The following RNF145 variants were observed in gnomAD, a reference collection of about 807,000 sequenced individuals.
The protein encoded by RNF145 is ring finger protein 145.
A neutral mutation model predicts 57.3 loss-of-function variants in RNF145; 12 were observed. The ratio of observed to expected loss-of-function variants is 0.21; its 90% CI spans 0.13 to 0.34. RNF145 has a LOEUF of 0.34. RNF145 is among the 10% of genes least tolerant of loss of function. RNF145 has a pLI of 1.00. For synonymous variants in RNF145, 262 were observed against 288.3 expected, an observed-to-expected ratio of 0.91 and a Z score of 0.92; for missense variants, 429 against 799.0, an observed-to-expected ratio of 0.54 and a Z score of 5.58.
chr5:159,158,765 T>C lies in RNF145; in HGVS notation c.1897A>G (p.Ile633Val), dbSNP rs759770860. The C allele has an allele frequency of 6.2e-6, 10 of 1,613,988 alleles. No homozygotes were observed. Among genetic ancestry groups the C allele is most frequent in the Non-Finnish European group, 7.6e-6 (9 of 1,179,856 alleles). Residue 633 changes from isoleucine (I) to valine (V), a missense_variant, in exon 11 of 11, where the codon ATT (isoleucine) becomes GTT (valine). By Grantham distance (29) the Ile-to-Val change is conservative (BLOSUM62 3). Coordinates refer to ENST00000424310, the MANE Select transcript of RNF145 (RefSeq NM_001199383.2). ...QEGSRDNNEY[I>V]ARRPDNQEGA... ...TCCTGGTTATCTGGTCGTCTGGCAA[T>C]GTACTCATTATTGTCCCTGGAACCT...
chr5:159,169,920 T>C, intron 6 of RNF145, 101 bp from the exon 7 acceptor site: 1 of 960,360 alleles, frequency 1.0e-6, no homozygotes. Context: ...TGATACTCAT[T>C]AATTAAAACA....
chr5:159,174,646 T>A (rs941913837), intron 5 of RNF145, among the ~76,000 whole-genome samples: 3 of 151,978 alleles, frequency 2.0e-5, no homozygotes, highest in African/African-American at 7.3e-5. Context: ...TGGAAAAAAA[T>A]TTTGCAGAGC....
At chr5:159,209,161 G>T in intron 1 of RNF145, 70 bp downstream of exon 1, 1 of 588,782 alleles carries the variant, frequency 1.7e-6, no homozygotes, top group Non-Finnish European at 2.1e-6. Flanking sequence ...GATGGGGGAG[G>T]GGAGGGAGGC....
rs114445960 is a variant in RNF145 at position 159,203,492 on chromosome 5, G to T, written c.126C>A (p.Ser42Arg). The part of the protein sequence containing the change: ...SSFFQQIQRS[S>R]LSNNPLFQYK... ...ACTGGAAAAGAGGGTTATTACTAAG[G>T]CTACTTCTTTGGATCTGCTGGAAAA... Residue 42 changes from serine to arginine, a missense_variant, in exon 2 of 11, where the codon AGC becomes AGA. Ser to Arg is a moderately radical substitution (Grantham distance 110, BLOSUM62 -1). Coordinates refer to ENST00000424310, the MANE Select transcript of RNF145 (RefSeq NM_001199383.2). 4.2e-5 allele frequency: 68 copies of T among 1,613,926 alleles called. No homozygotes were observed. Among genetic ancestry groups the T allele is most frequent in the Non-Finnish European group, 5.3e-5 (63 of 1,179,976 alleles).
At chr5:159,202,637 G>T (rs1251334812) in intron 2 of RNF145, among the ~76,000 whole-genome samples, 3 of 152,128 alleles carry the variant, frequency 2.0e-5, no homozygotes. Context: ...TATATTTTGT[G>T]ACAGGCAACT....
At chr5:159,171,235 T>A (rs1784544785) in intron 6 of RNF145, among the ~76,000 whole-genome samples, 1 of 152,202 alleles carries the variant, frequency 6.6e-6, no homozygotes. Flanking sequence ...ACTGAAATCA[T>A]TAGTAACAAT....
chr5:159,209,283 C>T lies in RNF145; in HGVS notation c.-92G>A, dbSNP rs1400685943. 4.1e-6 allele frequency: 4 copies of T among 985,220 alleles called. No homozygotes were observed. Among genetic ancestry groups the T allele is most frequent in the Non-Finnish European group, 2.4e-6 (2 of 829,914 alleles). 61.0% of individuals were successfully genotyped at this position (985,220 alleles called of 1,614,324 possible). A position where few individuals can be genotyped will look rare whatever the true frequency, so the allele number is the denominator to read the frequency against. ...AGCGGCGCTGCCGGCGGGCGGGCTCCGCAACTCCCCGGCTCTCTCGCCCGC... is the reference window on the plus strand; with the variant it reads ...AGCGGCGCTGCCGGCGGGCGGGCTCTGCAACTCCCCGGCTCTCTCGCCCGC... On this transcript the variant is annotated 5_prime_UTR_variant, in exon 1 of 11. Transcript: ENST00000424310.
chr5:159,198,074 TA>T (rs953903900), intron 2 of RNF145, among the ~76,000 whole-genome samples: 2 of 151,410 alleles, frequency 1.3e-5, no homozygotes, highest in Non-Finnish European at 2.9e-5. Flanking sequence ...TTCCTGTCTC[TA>T]CAAAAAAATA....
chr5:159,183,401 G>C (rs6879008), intron 3 of RNF145, among the ~76,000 whole-genome samples: 115,839 of 152,006 alleles, frequency 0.76, 45,061 homozygotes, highest in African/African-American at 0.93. Context: ...CTAAATATTC[G>C]TCAATGCAAA....
Position 159,174,303 on chromosome 5 carries a change from A to AT in RNF145, c.622-146dup, listed in dbSNP as rs1433668395. ...AGCTAAATTCCTTTAAAGTTAGCCT[A>AT]TATAGTTAATAAATAGCATGTTTTT... On this transcript the variant is annotated intron_variant, in intron 5 of 10. Transcript: ENST00000424310. 40 of 609,054 alleles carry AT rather than the reference A, an allele frequency of 6.6e-5. No individual in the cohort carries two copies. In the Middle Eastern group the frequency reaches 5.8e-3, roughly 88 times the overall value. 37.7% of individuals were successfully genotyped at this position (609,054 alleles called of 1,614,324 possible). A position where few individuals can be genotyped will look rare whatever the true frequency, so the allele number is the denominator to read the frequency against.
intron 6 of RNF145, among the ~76,000 whole-genome samples, chr5:159,171,508 T>A (rs1364933561): frequency 6.6e-6 from 1 of 152,204 alleles, no homozygotes; most frequent in Non-Finnish European, 1.5e-5. Context: ...CAGAGCATAC[T>A]AAATACCAAA....
chr5:159,200,748 T>G (rs1785633583), intron 2 of RNF145, among the ~76,000 whole-genome samples: 1 of 152,192 alleles, frequency 6.6e-6, no homozygotes, highest in African/African-American at 2.4e-5. Flanking sequence ...ATTTCCCTAA[T>G]GTATACCAAA....
intron 1 of RNF145, chr5:159,207,811 CAA>C: frequency 4.3e-6 from 7 of 1,614,170 alleles, no homozygotes; most frequent in Non-Finnish European, 5.9e-6. Context: ...TCCCAAACCG[CAA>C]AGACAGGGAG....
chr5:159,202,920 C>CAA (rs766955189), intron 2 of RNF145, among the ~76,000 whole-genome samples: 2 of 123,886 alleles, frequency 1.6e-5, no homozygotes, highest in African/African-American at 3.0e-5. Context: ...GGGATTCAAG[C>CAA]AAAAAAAAAA....
At chr5:159,164,988 T>C (rs1784345887) in intron 8 of RNF145, among the ~76,000 whole-genome samples, 1 of 152,244 alleles carries the variant, frequency 6.6e-6, no homozygotes, top group Non-Finnish European at 1.5e-5. Flanking sequence ...CTCTTAATTG[T>C]CCTCTAACTT....
At chr5:159,181,452 C>T (rs1338448642) in intron 4 of RNF145, among the ~76,000 whole-genome samples, 1 of 152,130 alleles carries the variant, frequency 6.6e-6, no homozygotes, top group Non-Finnish European at 1.5e-5. Context: ...GCATGGTACA[C>T]TCTGGTAGCA....
At position 159,157,514 on chromosome 5, in the gene RNF145, C is replaced by T. The variant is rs1006238061; in HGVS notation, c.*1156G>A. 2.0e-5 allele frequency: 3 copies of T among 152,614 alleles called. No individual in the cohort carries two copies. Among genetic ancestry groups the T allele is most frequent in the African/African-American group, 4.8e-5 (2 of 41,392 alleles). 9.5% of individuals were successfully genotyped at this position (152,614 alleles called of 1,614,324 possible). ...AAGTCACATCCCACATTAGGAATAC[C>T]GAGGTCTGAAAAACACTTTTTGAGC... On this transcript the variant is annotated 3_prime_UTR_variant, in exon 11 of 11. Transcript: ENST00000424310.
intron 3 of RNF145, among the ~76,000 whole-genome samples, chr5:159,187,764 C>T: frequency 6.6e-6 from 1 of 152,096 alleles, no homozygotes; most frequent in East Asian, 1.9e-4. Flanking sequence ...AGAGTGTTGT[C>T]AACATCCTAT....
chr5:159,165,099 G>GC (rs1446950564), intron 8 of RNF145, among the ~76,000 whole-genome samples: 7 of 152,106 alleles, frequency 4.6e-5, no homozygotes, highest in African/African-American at 1.7e-4. Context: ...ATTTGTCTGT[G>GC]CATGTCCCTC....
Sources: gnomAD v4.1 joint callset for allele counts (sites outside exome capture counted in the v4.1 genomes callset) on GRCh38, gnomAD v4.1.1 for gene constraint, MANE v1.5 for transcripts, NCBI Gene and HGNC (gene_info 2026-07-23, HGNC 2026-07-21) for gene names.